FGF12: variants seen among roughly 807,000 people sequenced by gnomAD.
FGF12 encodes fibroblast growth factor 12B.
FGF12 carries 14 observed loss-of-function variants against 23.6 expected under a neutral mutation model. That is an observed-to-expected ratio of 0.59 (90% CI 0.39 to 0.93). FGF12 has a LOEUF of 0.93. FGF12 is among the 40% of genes least tolerant of loss of function. The probability of loss-of-function intolerance (pLI) is 0.00; values close to 1 mark genes in which losing one functional copy is unlikely to be tolerated. For missense variants in FGF12, 175 were observed against 217.8 expected (o/e 0.80, Z 1.24); for synonymous variants, 62 against 77.3 (o/e 0.80, Z 1.04).
At chr3:192,519,463 A>G (rs1724760572) in intron 2 of FGF12, among the ~76,000 whole-genome samples, 1 of 152,332 alleles carries the variant, frequency 6.6e-6, no homozygotes, top group East Asian at 1.9e-4. Flanking sequence ...GGGAGGGTAC[A>G]TGATGTCAGT....
intron 2 of FGF12, among the ~76,000 whole-genome samples, chr3:192,580,483 GA>G (rs1257243176): frequency 6.6e-6 from 1 of 152,178 alleles, no homozygotes; most frequent in East Asian, 1.9e-4. Flanking sequence ...ATAATATGTA[GA>G]TACCGGGATC....
intron 2 of FGF12, among the ~76,000 whole-genome samples, chr3:192,383,345 C>T (rs1302082727): frequency 6.6e-6 from 1 of 152,024 alleles, no homozygotes; most frequent in Non-Finnish European, 1.5e-5. Context: ...TGTATCCTTG[C>T]TGTTGTGTGT....
intron 4 of FGF12, among the ~76,000 whole-genome samples, chr3:192,231,009 T>G (rs1386408918): frequency 2.0e-5 from 3 of 152,182 alleles, no homozygotes; most frequent in African/African-American, 4.8e-5. Flanking sequence ...AGCACTTGAA[T>G]TAGTTTAGAT....
intron 2 of FGF12, among the ~76,000 whole-genome samples, chr3:192,721,218 T>G (rs916465636): frequency 6.6e-6 from 1 of 152,204 alleles, no homozygotes; most frequent in African/African-American, 2.4e-5. Flanking sequence ...TAAAGAGAGA[T>G]ACAGCTAAAA....
intron 4 of FGF12, among the ~76,000 whole-genome samples, chr3:192,239,445 T>C (rs1181004395): frequency 2.0e-5 from 3 of 152,226 alleles, no homozygotes; most frequent in African/African-American, 7.2e-5. Flanking sequence ...CCGTTAATTA[T>C]GTGAAGCTTA....
intron 2 of FGF12, among the ~76,000 whole-genome samples, chr3:192,711,250 C>G (rs1718657474): frequency 6.9e-6 from 1 of 145,112 alleles, no homozygotes; most frequent in Admixed American, 6.7e-5. Context: ...TGGGGGCCAG[C>G]CCCTGCCCGG....
At chr3:192,583,527 C>G (rs1713248765) in intron 2 of FGF12, among the ~76,000 whole-genome samples, 1 of 152,024 alleles carries the variant, frequency 6.6e-6, no homozygotes, top group Non-Finnish European at 1.5e-5. Context: ...GATATTAAGT[C>G]ACATATAATA....
chr3:192,211,187 G>C (rs112154005), intron 4 of FGF12, among the ~76,000 whole-genome samples: 4,943 of 152,210 alleles, frequency 0.032, 109 homozygotes, highest in Non-Finnish European at 0.051. Flanking sequence ...GTCAGATTAT[G>C]CATATAATTG....
chr3:192,180,226 C>T (rs1310624957), intron 4 of FGF12, among the ~76,000 whole-genome samples: 1 of 152,132 alleles, frequency 6.6e-6, no homozygotes, highest in African/African-American at 2.4e-5. Flanking sequence ...TACCACAATA[C>T]CACTGGACTC....
At chr3:192,727,018 G>T (rs978820823) in intron 2 of FGF12, 163 bp downstream of exon 2, 3 of 809,856 alleles carry the variant, frequency 3.7e-6, no homozygotes, top group East Asian at 2.7e-5. Context: ...AAAAGAAGTC[G>T]CCTTCCTGCC....
chr3:192,352,353 A>C lies in FGF12; in HGVS notation c.124+8075T>G, dbSNP rs114504110. On this transcript the variant is annotated intron_variant, in intron 3 of 5. Transcript: ENST00000445105. ...GCTGCAGTGCATCAGAATAATCTGG[A>C]TGGCTTGTCAAAACACAGATTGCTG... Among the ~76,000 whole-genome samples, 976 of 152,332 alleles carry C rather than the reference A, an allele frequency of 6.4e-3. 8 individuals are homozygous for C. Among genetic ancestry groups the C allele is most frequent in the African/African-American group, 0.022 (932 of 41,574 alleles).
intron 2 of FGF12, among the ~76,000 whole-genome samples, chr3:192,524,151 C>T (rs180872320): frequency 2.2e-4 from 34 of 152,328 alleles, no homozygotes; most frequent in African/African-American, 7.9e-4. Flanking sequence ...ACCCCTGCCC[C>T]CTTCCTAGTG....
At chr3:192,476,161 A>G (rs1426461118) in intron 2 of FGF12, among the ~76,000 whole-genome samples, 1 of 152,186 alleles carries the variant, frequency 6.6e-6, no homozygotes. Context: ...CAGAGATCAC[A>G]TGTGAGCTCT....
In FGF12 at chr3:192,674,641, T is replaced by C. The variant is rs1388810453; in HGVS notation, c.13+52540A>G. On this transcript the variant is annotated intron_variant, in intron 2 of 5. Transcript: ENST00000445105. ...AATAAGATACATGCAGTTAGATGAA[T>C]AAAAGTTTCTGTCAAATGATTACTC... 4.3e-4 allele frequency among the ~76,000 whole-genome samples: 65 copies of C among 152,310 alleles called. 1 individual carries two copies. Among genetic ancestry groups the C allele is most frequent in the Non-Finnish European group, 1.5e-5 (1 of 68,024 alleles).
chr3:192,377,225 C>G (rs766768205), intron 2 of FGF12, among the ~76,000 whole-genome samples: 3 of 152,154 alleles, frequency 2.0e-5, no homozygotes, highest in Non-Finnish European at 2.9e-5. Context: ...TGTACAGGCC[C>G]CTGCCTGCCT....
intron 4 of FGF12, among the ~76,000 whole-genome samples, chr3:192,293,297 G>T (rs1487255474): frequency 2.0e-5 from 3 of 152,070 alleles, no homozygotes; most frequent in Admixed American, 6.6e-5. Flanking sequence ...GGAAATAAAA[G>T]AAAATCATAT....
At chr3:192,314,568 C>T (rs1412872902) in intron 4 of FGF12, among the ~76,000 whole-genome samples, 1 of 152,038 alleles carries the variant, frequency 6.6e-6, no homozygotes, top group Non-Finnish European at 1.5e-5. Flanking sequence ...CATAATGGGC[C>T]CGTTGAGTCA....
At chr3:192,210,923 A>C (rs1447241141) in intron 4 of FGF12, among the ~76,000 whole-genome samples, 1 of 152,232 alleles carries the variant, frequency 6.6e-6, no homozygotes, top group Non-Finnish European at 1.5e-5. Context: ...CGAGAAGAAC[A>C]ACAGGAGAGA....
intron 4 of FGF12, among the ~76,000 whole-genome samples, chr3:192,247,032 AGAAGGAAGGAAGGAAGGAAGGAAG>A (rs71177355): frequency 0.054 from 4,641 of 86,336 alleles, 125 homozygotes; most frequent in African/African-American, 0.062. Flanking sequence ...AGGGAAGGAA[AGAAGGAAGGAAGGAAGGAAGGAAG>A]GAAGGAAGGA....
Sources: allele counts gnomAD v4.1 joint callset (sites outside exome capture counted in the v4.1 genomes callset), GRCh38; gene constraint gnomAD v4.1.1; transcripts MANE v1.5; gene names NCBI Gene and HGNC (gene_info 2026-07-23, HGNC 2026-07-21).